Variants in SEC24D observed in about 807,000 individuals in gnomAD.
SEC24D encodes protein transport protein Sec24D.
In SEC24D, 69 loss-of-function variants were observed where a neutral mutation model predicts 116.9. The ratio of observed to expected loss-of-function variants is 0.59; its 90% confidence interval spans 0.49 to 0.72. The LOEUF is 0.72. SEC24D is among the 30% of genes least tolerant of loss of function. SEC24D has a pLI of 0.00. For synonymous variants in SEC24D, 405 were observed against 442.8 expected (o/e 0.91, Z 1.07); for missense variants, 1,131 against 1,264.1 (o/e 0.89, Z 1.60).
rs187238520 is a variant in SEC24D at position 118,795,888 on chromosome 4, T to C, written c.1041+1795A>G. The stretch of plus-strand genomic sequence containing the variant: ...CACAGTTGTCAAAACTCAATAAACG[T>C]TCACTTAAGACATGTACATTTTATT... On this transcript the variant is annotated intron_variant, in intron 8 of 22. Transcript: ENST00000280551. Among the ~76,000 whole-genome samples, 3 of 152,366 alleles carry C rather than the reference T, an allele frequency of 2.0e-5. No individual in the cohort carries two copies. The East Asian group carries it at 5.8e-4, about 29-fold the overall frequency.
chr4:118,810,074 C>CTGTGTGTGTGTGTGTGTGTG lies in SEC24D; in HGVS notation c.802-4140_802-4121dup. ...TGGTAAGAGACCAGGTCAGAGGTAG[C>CTGTGTGTGTGTGTGTGTGTG]TGTGTGTGTGTGTGTGTGTGTGTGT... is the stretch of plus-strand genomic sequence containing the variant. On this transcript the variant is annotated intron_variant, in intron 6 of 22. Coordinates refer to ENST00000280551, the MANE Select transcript of SEC24D (RefSeq NM_014822.4). 2.2e-3 allele frequency among the ~76,000 whole-genome samples: 85 copies of CTGTGTGTGTGTGTGTGTGTG among 38,608 alleles called. 2 individuals carry two copies. Among genetic ancestry groups the CTGTGTGTGTGTGTGTGTGTG allele is most frequent in the Non-Finnish European group, 2.8e-3 (57 of 20,324 alleles). The allele number at this position is 38,608 out of a possible 152,430, so 25.3% of individuals were successfully genotyped here.
intron 12 of SEC24D, among the ~76,000 whole-genome samples, chr4:118,752,434 C>A (rs934830932): frequency 1.1e-4 from 17 of 152,210 alleles, no homozygotes; most frequent in Non-Finnish European, 2.1e-4. Flanking sequence ...CCTTGCGATA[C>A]CTTTCCAGAA....
chr4:118,745,607 G>A (rs1003820868), intron 13 of SEC24D, among the ~76,000 whole-genome samples: 1 of 152,136 alleles, frequency 6.6e-6, no homozygotes, highest in Admixed American at 6.6e-5. Flanking sequence ...GGAAAAGTGT[G>A]GGATCAAGAT....
intron 7 of SEC24D, among the ~76,000 whole-genome samples, chr4:118,802,774 G>A (rs1190074339): frequency 4.6e-5 from 7 of 152,138 alleles, no homozygotes; most frequent in Non-Finnish European, 7.4e-5. Flanking sequence ...GCAGGGGCTC[G>A]CATAGATACT....
At chr4:118,778,017 G>A (rs1284160477) in intron 8 of SEC24D, among the ~76,000 whole-genome samples, 1 of 152,134 alleles carries the variant, frequency 6.6e-6, no homozygotes, top group Non-Finnish European at 1.5e-5. Flanking sequence ...CCCTTTGTCA[G>A]ATGGGTAGAT....
At chr4:118,769,458 T>A (rs1166380163) in intron 8 of SEC24D, among the ~76,000 whole-genome samples, 1 of 152,170 alleles carries the variant, frequency 6.6e-6, no homozygotes, top group Non-Finnish European at 1.5e-5. Flanking sequence ...GTCAATTAAA[T>A]TTTTCTTTAC....
intron 7 of SEC24D, among the ~76,000 whole-genome samples, chr4:118,800,685 A>T (rs1371181906): frequency 6.6e-6 from 1 of 152,210 alleles, no homozygotes; most frequent in East Asian, 1.9e-4. Context: ...GCTAGACATC[A>T]TTCTAAGACT....
At chr4:118,834,596 AAATT>A (rs1731012643) in intron 1 of SEC24D, among the ~76,000 whole-genome samples, 1 of 152,226 alleles carries the variant, frequency 6.6e-6, no homozygotes, top group South Asian at 2.1e-4. Flanking sequence ...TTAAAAAAAA[AAATT>A]AAATACGACA....
chr4:118,751,029 G>A (rs1726799253), intron 13 of SEC24D, among the ~76,000 whole-genome samples: 2 of 151,962 alleles, frequency 1.3e-5, no homozygotes, highest in South Asian at 4.2e-4. Context: ...TGCTGTTTTT[G>A]TTATTATTAC....
chr4:118,824,688 A>T lies in SEC24D; in HGVS notation c.180T>A (p.Gly60=), dbSNP rs777317653. 6.2e-7 allele frequency: 1 copy of T among 1,608,640 alleles called. No individual in the cohort carries two copies. The highest frequency in any genetic ancestry group is 8.5e-7 in the Non-Finnish European group (1 of 1,177,868). The change falls in exon 3 of 23, where the codon GGT becomes GGA. Residue 60 remains glycine, a synonymous_variant. Coordinates refer to ENST00000280551, the MANE Select transcript of SEC24D (RefSeq NM_014822.4). ...ATATRGMLPP[G]PPPPGPHQFG... ...ACTGATGGGGTCCAGGAGGTGGGGG[A>T]CCCGGAGGCAACATTCCCCTAGTGG...
intron 12 of SEC24D, 128 bp downstream of exon 12, chr4:118,752,569 A>G (rs1726893301): frequency 3.2e-6 from 2 of 626,054 alleles, no homozygotes; most frequent in South Asian, 2.2e-5. Context: ...TAAATGATAG[A>G]GTTTTATAAT....
At chr4:118,775,319 T>C (rs1461273121) in intron 8 of SEC24D, among the ~76,000 whole-genome samples, 1 of 145,226 alleles carries the variant, frequency 6.9e-6, no homozygotes, top group Non-Finnish European at 1.5e-5. Flanking sequence ...TCAGGATAAC[T>C]TGTGATAGGT....
At chr4:118,727,032 A>G (rs909718711) in intron 22 of SEC24D, among the ~76,000 whole-genome samples, 2 of 152,220 alleles carry the variant, frequency 1.3e-5, no homozygotes, top group African/African-American at 4.8e-5. Flanking sequence ...GGGACTAAGC[A>G]GCTAGTACAA....
chr4:118,820,381 A>G (rs1460898516), intron 3 of SEC24D, among the ~76,000 whole-genome samples: 1 of 152,054 alleles, frequency 6.6e-6, no homozygotes, highest in Non-Finnish European at 1.5e-5. Flanking sequence ...GGGTTTCACC[A>G]TGTTGACCAA....
chr4:118,802,757 A>G (rs531908762), intron 7 of SEC24D, among the ~76,000 whole-genome samples: 101 of 152,348 alleles, frequency 6.6e-4, no homozygotes, highest in African/African-American at 2.2e-3. Flanking sequence ...ACTCCAAAGA[A>G]GTGAAAGCAG....
chr4:118,759,815 A>G (rs888463005), intron 10 of SEC24D, among the ~76,000 whole-genome samples: 1 of 152,180 alleles, frequency 6.6e-6, no homozygotes, highest in African/African-American at 2.4e-5. Context: ...GCACCTCTAT[A>G]TAGGCAACTC....
intron 6 of SEC24D, among the ~76,000 whole-genome samples, chr4:118,812,322 T>TC (rs1480795504): frequency 1.3e-5 from 2 of 151,760 alleles, no homozygotes; most frequent in African/African-American, 4.8e-5. Flanking sequence ...GAAAGGTGGG[T>TC]CCCTGGTTAG....
intron 8 of SEC24D, among the ~76,000 whole-genome samples, chr4:118,780,906 G>GATTTTTT (rs1728368824): frequency 5.7e-5 from 6 of 106,116 alleles, no homozygotes; most frequent in Admixed American, 1.1e-4. Flanking sequence ...TGCAACCCCT[G>GATTTTTT]CTTTTTTTTT....
At chr4:118,752,540 A>T (rs1269658850) in intron 12 of SEC24D, among the ~76,000 whole-genome samples, 157 bp downstream of exon 12, 1 of 152,232 alleles carries the variant, frequency 6.6e-6, no homozygotes, top group East Asian at 1.9e-4. Context: ...GTCTATATTT[A>T]AAAAAGACTG....
Sources: allele counts gnomAD v4.1 joint callset (sites outside exome capture counted in the v4.1 genomes callset), GRCh38; gene constraint gnomAD v4.1.1; transcripts MANE v1.5; gene names NCBI Gene and HGNC (gene_info 2026-07-23, HGNC 2026-07-21).